Variants in GALNT13 observed in about 807,000 individuals in gnomAD.
GALNT13 encodes the protein UDP-GalNAc:polypeptide N-acetylgalactosaminyltransferase 13.
GALNT13 carries 28 observed loss-of-function variants against 64.2 expected under a neutral mutation model. The observed-to-expected ratio is 0.44, with a 90% CI of 0.32 to 0.60. The LOEUF is 0.60. Among genes scored for constraint, GALNT13 ranks in the 20% least tolerant of loss-of-function variants. The probability of loss-of-function intolerance (pLI) is 0.05; values close to 1 mark genes in which losing one functional copy is unlikely to be tolerated. For missense variants in GALNT13, 577 were observed against 669.8 expected (o/e 0.86, Z 1.53); for synonymous variants, 214 against 224.6 (o/e 0.95, Z 0.42).
At chr2:153,100,256 G>A in the GALNT13 span, among the ~76,000 whole-genome samples, 1 of 152,184 alleles carries the variant, frequency 6.6e-6, no homozygotes, top group Non-Finnish European at 1.5e-5. Flanking sequence ...AAAGATGGCA[G>A]AACTTGGCAT....
chr2:153,514,385 T>C, the GALNT13 span, among the ~76,000 whole-genome samples: 1 of 152,214 alleles, frequency 6.6e-6, no homozygotes, highest in Non-Finnish European at 1.5e-5. Context: ...TCTGAAAGCA[T>C]TTGGTCATTT....
the GALNT13 span, among the ~76,000 whole-genome samples, chr2:153,858,723 T>G: frequency 6.6e-6 from 1 of 152,112 alleles, no homozygotes; most frequent in Non-Finnish European, 1.5e-5. Flanking sequence ...GTTTTTTTAT[T>G]TATTTATGAT....
intron 1 of GALNT13, among the ~76,000 whole-genome samples, chr2:153,881,501 G>T (rs960768270): frequency 2.0e-5 from 3 of 152,076 alleles, no homozygotes; most frequent in Non-Finnish European, 4.4e-5. Flanking sequence ...TAATTGGATG[G>T]TACAGCTGAA....
At chr2:153,317,520 A>G in the GALNT13 span, among the ~76,000 whole-genome samples, 1 of 152,110 alleles carries the variant, frequency 6.6e-6, no homozygotes, top group East Asian at 1.9e-4. Context: ...GAATGCTGAC[A>G]TTCTGAATTG....
At chr2:153,375,311 A>T in the GALNT13 span, among the ~76,000 whole-genome samples, 2 of 152,134 alleles carry the variant, frequency 1.3e-5, no homozygotes, top group African/African-American at 2.4e-5. Context: ...TATCAAATTT[A>T]AAAAAATACT....
chr2:154,148,357 G>A (rs960875506), intron 4 of GALNT13, among the ~76,000 whole-genome samples: 1 of 151,992 alleles, frequency 6.6e-6, no homozygotes, highest in African/African-American at 2.4e-5. Flanking sequence ...CCAAGTCTTT[G>A]CTATTGTGAA....
At chr2:153,182,070 G>T in the GALNT13 span, among the ~76,000 whole-genome samples, 214 of 150,864 alleles carry the variant, frequency 1.4e-3, 1 homozygote, top group African/African-American at 5.0e-3. Context: ...TTGAGGCGGG[G>T]TCTCGCTCTG....
At chr2:153,107,472 T>C in the GALNT13 span, among the ~76,000 whole-genome samples, 4 of 152,130 alleles carry the variant, frequency 2.6e-5, no homozygotes, top group Non-Finnish European at 4.4e-5. Context: ...TCTTTTTAAT[T>C]CATTTTAAAT....
At chr2:153,070,790 T>A in the GALNT13 span, among the ~76,000 whole-genome samples, 1 of 152,214 alleles carries the variant, frequency 6.6e-6, no homozygotes, top group African/African-American at 2.4e-5. Context: ...ATATATTTAT[T>A]ACGTTTATAA....
chr2:153,086,221 A>G, the GALNT13 span, among the ~76,000 whole-genome samples: 1 of 152,208 alleles, frequency 6.6e-6, no homozygotes. Flanking sequence ...TTGTTGTCTC[A>G]GATGAGACTT....
intron 4 of GALNT13, among the ~76,000 whole-genome samples, chr2:154,235,794 T>C (rs1265723646): frequency 1.3e-5 from 2 of 152,178 alleles, no homozygotes; most frequent in African/African-American, 4.8e-5. Flanking sequence ...ATAGTCAATT[T>C]TTATTTCTCT....
At chr2:154,245,775 A>G in intron 6 of GALNT13, 37 bp from the exon 7 acceptor site, 1 of 1,365,910 alleles carries the variant, frequency 7.3e-7, no homozygotes, top group South Asian at 1.3e-5. Context: ...CATTTTAATT[A>G]TCATGTGTCT....
intron 9 of GALNT13, among the ~76,000 whole-genome samples, chr2:154,383,740 C>T (rs376159072): frequency 1.2e-3 from 176 of 151,714 alleles, no homozygotes; most frequent in African/African-American, 4.0e-3. Flanking sequence ...ACTTTGAAGC[C>T]GATTTTTCAT....
the GALNT13 span, among the ~76,000 whole-genome samples, chr2:153,442,915 C>G: frequency 6.6e-6 from 1 of 152,114 alleles, no homozygotes; most frequent in Non-Finnish European, 1.5e-5. Context: ...CTCGAGTGTC[C>G]CTGGTTGACT....
chr2:153,087,393 T>C, the GALNT13 span, among the ~76,000 whole-genome samples: 2 of 152,200 alleles, frequency 1.3e-5, no homozygotes, highest in Non-Finnish European at 2.9e-5. Context: ...AGTGTTTTGT[T>C]GATGATCTTT....
At chr2:153,635,974 T>C in the GALNT13 span, among the ~76,000 whole-genome samples, 3 of 152,142 alleles carry the variant, frequency 2.0e-5, no homozygotes, top group Admixed American at 2.0e-4. Flanking sequence ...TGTGTAAACT[T>C]GAAGGATGTA....
the GALNT13 span, among the ~76,000 whole-genome samples, chr2:153,103,783 C>A: frequency 6.6e-6 from 1 of 152,236 alleles, no homozygotes; most frequent in African/African-American, 2.4e-5. Flanking sequence ...CTGCATCCCA[C>A]ATACCTAGAT....
At chr2:153,077,957 T>C in the GALNT13 span, among the ~76,000 whole-genome samples, 1 of 152,214 alleles carries the variant, frequency 6.6e-6, no homozygotes, top group Non-Finnish European at 1.5e-5. Context: ...AAGAATGTTA[T>C]GTATGCTTAT....
intron 9 of GALNT13, among the ~76,000 whole-genome samples, chr2:154,387,732 ATGT>A (rs1014333292): frequency 2.6e-5 from 4 of 152,098 alleles, no homozygotes; most frequent in Admixed American, 2.6e-4. Flanking sequence ...AGCTTCATTC[ATGT>A]TGTCAAAATG....
Sources: gnomAD v4.1 joint callset for allele counts (sites outside exome capture counted in the v4.1 genomes callset) on GRCh38, gnomAD v4.1.1 for gene constraint, MANE v1.5 for transcripts, NCBI Gene and HGNC (gene_info 2026-07-23, HGNC 2026-07-21) for gene names.